Variants in GALK2 observed in about 807,000 individuals in gnomAD.
The protein encoded by GALK2 is N-acetylgalactosamine kinase.
In GALK2, 36 loss-of-function variants were observed where a neutral mutation model predicts 52.4. That is an observed-to-expected ratio of 0.69 (90% confidence interval 0.53 to 0.91). GALK2 has a LOEUF of 0.91. Ranked by LOEUF, GALK2 falls within the 40% of genes least tolerant of loss-of-function variation. GALK2 has a pLI of 0.00. For missense variants in GALK2, 579 were observed against 559.1 expected, an observed-to-expected ratio of 1.04 and a Z score of -0.36; for synonymous variants, 176 against 199.1, an observed-to-expected ratio of 0.88 and a Z score of 0.98.
intron 2 of GALK2, among the ~76,000 whole-genome samples, chr15:49,208,093 C>T (rs1013364446): frequency 1.3e-5 from 2 of 152,142 alleles, no homozygotes; most frequent in African/African-American, 4.8e-5. Context: ...TTTCAAAGAC[C>T]CATCTTTTTG....
At chr15:49,359,885 T>C (rs2043873261) in intron 3 of GALK2, among the ~76,000 whole-genome samples, 1 of 146,594 alleles carries the variant, frequency 6.8e-6, no homozygotes, top group African/African-American at 2.5e-5. Context: ...GTGGCACATA[T>C]ACACCATGGA....
intron 7 of GALK2, among the ~76,000 whole-genome samples, chr15:49,286,452 T>C (rs1448862016): frequency 1.3e-5 from 2 of 152,228 alleles, no homozygotes. Flanking sequence ...GACTTAGCAC[T>C]TCTCCTCTTA....
At chr15:49,229,339 T>C (rs1312585301) in intron 3 of GALK2, among the ~76,000 whole-genome samples, 1 of 152,182 alleles carries the variant, frequency 6.6e-6, no homozygotes, top group East Asian at 1.9e-4. Context: ...GGCTGGGTCC[T>C]TGGACCCCTG....
intron 3 of GALK2, among the ~76,000 whole-genome samples, chr15:49,360,801 C>A (rs1411153681): frequency 6.6e-6 from 1 of 152,056 alleles, no homozygotes; most frequent in Non-Finnish European, 1.5e-5. Flanking sequence ...AACTAGTAAA[C>A]AAGTTTATCA....
At chr15:49,272,248 G>T (rs1202299028) in intron 5 of GALK2, among the ~76,000 whole-genome samples, 4 of 152,068 alleles carry the variant, frequency 2.6e-5, no homozygotes, top group African/African-American at 9.7e-5. Context: ...CTTTTTCTGG[G>T]TTGTTTTGTA....
At chr15:49,192,516 T>C (rs904118624) in intron 1 of GALK2, among the ~76,000 whole-genome samples, 3 of 120,482 alleles carry the variant, frequency 2.5e-5, no homozygotes, top group Non-Finnish European at 5.2e-5. Context: ...TATATATATA[T>C]ATATATATAG....
At chr15:49,318,934 G>C (rs1249848012) in intron 8 of GALK2, 1 of 453,010 alleles carries the variant, frequency 2.2e-6, no homozygotes, top group Admixed American at 2.4e-5. Context: ...AACTTTATGA[G>C]GTAGTACTTT....
At chr15:49,312,394 A>G (rs1320304161) in intron 8 of GALK2, among the ~76,000 whole-genome samples, 2 of 152,200 alleles carry the variant, frequency 1.3e-5, no homozygotes, top group Admixed American at 1.3e-4. Context: ...CTCCTCAGGA[A>G]GGACATCAGA....
chr15:49,365,821 C>A, intron 3 of GALK2: 1 of 871,408 alleles, frequency 1.1e-6, no homozygotes, highest in Non-Finnish European at 2.0e-6. Flanking sequence ...AAACATAAGT[C>A]TCACTTCCAT....
intron 1 of GALK2, chr15:49,177,691 C>T: frequency 5.4e-6 from 3 of 555,976 alleles, no homozygotes; most frequent in Non-Finnish European, 8.5e-6. Context: ...TATGACCCTA[C>T]CAAGGCCACG....
chr15:49,309,364 T>C (rs1253048505), intron 8 of GALK2, among the ~76,000 whole-genome samples: 1 of 152,194 alleles, frequency 6.6e-6, no homozygotes, highest in Non-Finnish European at 1.5e-5. Flanking sequence ...CTGACTGATA[T>C]AATTACTAAA....
chr15:49,270,669 A>G (rs1015831656), intron 5 of GALK2, among the ~76,000 whole-genome samples: 2 of 152,194 alleles, frequency 1.3e-5, no homozygotes, highest in Non-Finnish European at 2.9e-5. Context: ...TAACTATTGT[A>G]TACATAAAAC....
intron 3 of GALK2, among the ~76,000 whole-genome samples, chr15:49,345,507 T>C (rs1390206018): frequency 2.0e-5 from 3 of 152,222 alleles, no homozygotes; most frequent in Admixed American, 2.0e-4. Context: ...ATAAATTTTT[T>C]CCGAATTAGA....
intron 1 of GALK2, among the ~76,000 whole-genome samples, chr15:49,184,348 C>T (rs970330096): frequency 2.0e-5 from 3 of 150,562 alleles, no homozygotes; most frequent in Admixed American, 2.0e-4. Flanking sequence ...TTTTCTTTTT[C>T]AGTCTATGTG....
At chr15:49,322,933 T>G (rs1447090677) in intron 9 of GALK2, among the ~76,000 whole-genome samples, 3 of 128,804 alleles carry the variant, frequency 2.3e-5, no homozygotes, top group Non-Finnish European at 3.1e-5. Context: ...CTCCAGCCTG[T>G]GGGACAGAGC....
chr15:49,332,849 G>A (rs1390198807), downstream of GALK2, among the ~76,000 whole-genome samples: 1 of 152,046 alleles, frequency 6.6e-6, no homozygotes, highest in Non-Finnish European at 1.5e-5. Flanking sequence ...AGGCAGAGTG[G>A]GATTACTTAG....
intron 1 of GALK2, among the ~76,000 whole-genome samples, chr15:49,191,698 T>G (rs2086733916): frequency 1.3e-5 from 2 of 152,204 alleles, no homozygotes; most frequent in Admixed American, 6.5e-5. Flanking sequence ...GTACAGTTAC[T>G]GTTTTCTCTT....
intron 2 of GALK2, among the ~76,000 whole-genome samples, chr15:49,201,850 T>C (rs2087806561): frequency 6.6e-6 from 1 of 152,214 alleles, no homozygotes; most frequent in Non-Finnish European, 1.5e-5. Context: ...ATCATAAATA[T>C]TTCCATGTAT....
intron 5 of GALK2, among the ~76,000 whole-genome samples, chr15:49,239,822 C>T (rs956386104): frequency 6.6e-6 from 1 of 152,196 alleles, no homozygotes; most frequent in Non-Finnish European, 1.5e-5. Flanking sequence ...TATTGCATTA[C>T]AAGACGAAAT....
Sources: gnomAD v4.1 joint callset for allele counts (sites outside exome capture counted in the v4.1 genomes callset) on GRCh38, gnomAD v4.1.1 for gene constraint, MANE v1.5 for transcripts, NCBI Gene and HGNC (gene_info 2026-07-23, HGNC 2026-07-21) for gene names.